Variants in NUDT5 observed in about 807,000 individuals in gnomAD.
NUDT5 encodes the protein ADP-sugar pyrophosphatase.
Under a neutral mutation model 34.1 loss-of-function variants are expected in NUDT5, and 21 were observed. The observed-to-expected ratio is 0.62, with a 90% CI of 0.44 to 0.89. The LOEUF (loss-of-function observed/expected upper bound fraction) is 0.89. NUDT5 is among the 40% of genes least tolerant of loss of function. NUDT5 has a pLI of 0.00. For synonymous variants in NUDT5, 85 were observed against 97.6 expected (o/e 0.87, Z 0.76); for missense variants, 249 against 274.8 (o/e 0.91, Z 0.66).
At position 12,166,923 on chromosome 10, in the gene NUDT5, C is replaced by G. The variant is rs1350228665; in HGVS notation, c.*779G>C. On this transcript the variant is annotated 3_prime_UTR_variant, in exon 10 of 10. Transcript: ENST00000491614. The stretch of plus-strand genomic sequence containing the variant: ...ACTGGCTGATCTTGCTGGTTCTGTT[C>G]ATGGTTTAACATCAAGATATTACTG... 2 of 290,388 alleles carry G rather than the reference C, an allele frequency of 6.9e-6. No individual in the cohort carries two copies. The highest frequency in any genetic ancestry group is 4.5e-5 in the African/African-American group (2 of 44,808). 18.0% of individuals were successfully genotyped at this position (290,388 alleles called of 1,614,324 possible).
chr10:12,177,070 C>T (rs1433005426), intron 5 of NUDT5, among the ~76,000 whole-genome samples: 2 of 148,884 alleles, frequency 1.3e-5, no homozygotes, highest in African/African-American at 2.5e-5. Flanking sequence ...TGCAGTGAGC[C>T]GAGATCACGC....
At chr10:12,190,076 G>A (rs1378407496) in intron 1 of NUDT5, among the ~76,000 whole-genome samples, 1 of 152,012 alleles carries the variant, frequency 6.6e-6, no homozygotes, top group Non-Finnish European at 1.5e-5. Flanking sequence ...TGTATTTTTA[G>A]GAGAGACGGG....
In NUDT5 at chr10:12,170,769, C is replaced by T. The variant is rs775317170; in HGVS notation, c.498G>A (p.Glu166=). 4 of 1,614,142 alleles carry T rather than the reference C, an allele frequency of 2.5e-6. No homozygotes were observed. The highest frequency in any genetic ancestry group is 3.4e-6 in the Non-Finnish European group (4 of 1,180,012). The stretch of plus-strand genomic sequence containing the variant: ...TGGGTAAAGAAATGACTTCCACAAA[C>T]TCTAAACAGACAAAGTGCAAGTGAA... The part of the protein sequence containing the change: ...ARPKPKPGDG[E]FVEVISLPKN... The change falls in exon 9 of 10, where the codon GAG becomes GAA. Residue 166 remains glutamate (E), a splice_region_variant and synonymous_variant. Transcript: ENST00000491614. This position sits in a 1 kb window ranked among gnomAD's most constrained non-coding sequence, Gnocchi z 4.9.
rs1834843274 is a variant in NUDT5 at position 12,171,095 on chromosome 10, GC to G, written c.488-188del. Reference sequence around the variant, plus strand: ...ATTGTTCTCCACATAATGTTAAGTAGCAAAATTTAAAGCATATTCGATAGTA... The same window carrying G: ...ATTGTTCTCCACATAATGTTAAGTAGAAAATTTAAAGCATATTCGATAGTA... On this transcript the variant is annotated intron_variant, in intron 7 of 9. Coordinates refer to ENST00000491614, the MANE Select transcript of NUDT5 (RefSeq NM_014142.4). The surrounding 1 kb of genome is among the most constrained non-coding windows in gnomAD (Gnocchi z 4.2). Among the ~76,000 whole-genome samples, 1 of 152,096 alleles carries G rather than the reference GC, an allele frequency of 6.6e-6. No individual in the cohort carries two copies. The highest frequency in any genetic ancestry group is 1.5e-5 in the Non-Finnish European group (1 of 68,044).
At chr10:12,172,921 A>G in intron 6 of NUDT5, 55 bp from the exon 7 acceptor site, 1 of 1,314,522 alleles carries the variant, frequency 7.6e-7, no homozygotes. Flanking sequence ...TTGTTTCACT[A>G]TGGTCTTAGG....
intron 3 of NUDT5, 81 bp downstream of exon 3, chr10:12,184,808 A>T (rs1375983750): frequency 1.2e-6 from 1 of 826,534 alleles, no homozygotes; most frequent in South Asian, 1.6e-5. Flanking sequence ...AAAAGAAAAC[A>T]TCAAAGTTTA....
chr10:12,177,121 CAA>C (rs1368788400), intron 5 of NUDT5, among the ~76,000 whole-genome samples: 7 of 115,978 alleles, frequency 6.0e-5, no homozygotes, highest in East Asian at 2.5e-4. Context: ...GACTCCATCT[CAA>C]AAAAAAAAAA....
chr10:12,175,448 C>T lies in NUDT5; in HGVS notation c.290-1635G>A, dbSNP rs1834931821. Among the ~76,000 whole-genome samples the T allele has an allele frequency of 2.6e-5, 4 of 151,690 alleles. No individual in the cohort carries two copies. Among genetic ancestry groups the T allele is most frequent in the Admixed American group, 2.0e-4 (3 of 15,220 alleles). On this transcript the variant is annotated intron_variant, in intron 5 of 9. Coordinates refer to ENST00000491614, the MANE Select transcript of NUDT5 (RefSeq NM_014142.4). The surrounding 1 kb of genome is among the most constrained non-coding windows in gnomAD (Gnocchi z 4.8). ...ATCACTTGAGGCCAGGAGTTTGGGG[C>T]CAGCCTGGGTGACAAAGCAAAACCC... is the stretch of plus-strand genomic sequence containing the variant.
In NUDT5 at chr10:12,177,889, T is replaced by A. The variant is rs758998870; in HGVS notation, c.193A>T (p.Ile65Phe). ...KEQTADGVAV[I>F]PVLQRTLHYE... Reference sequence around the variant, plus strand: ...TGAAGTGTTCTCTGCAGCACGGGGATGACCGCGACACCTGTCACCAGGAAA... The same window carrying A: ...TGAAGTGTTCTCTGCAGCACGGGGAAGACCGCGACACCTGTCACCAGGAAA... Residue 65 changes from isoleucine to phenylalanine, a missense_variant, in exon 5 of 10, where the codon ATC becomes TTC. Physicochemically the swap from Ile to Phe is conservative, Grantham distance 21. Coordinates refer to ENST00000491614, the MANE Select transcript of NUDT5 (RefSeq NM_014142.4). 9 of 1,613,836 alleles carry A rather than the reference T, an allele frequency of 5.6e-6. No individual in the cohort carries two copies. The highest frequency in any genetic ancestry group is 4.0e-5 in the African/African-American group (3 of 74,902).
At position 12,178,335 on chromosome 10, in the gene NUDT5, T is replaced by C. The variant is rs180769059; in HGVS notation, c.182-435A>G. On this transcript the variant is annotated intron_variant, in intron 4 of 9. Coordinates refer to ENST00000491614, the MANE Select transcript of NUDT5 (RefSeq NM_014142.4). ...TGTCTGCAATAAATGCTAGCAAGAC[T>C]GATTTTCCAGTTTTAGGGTAAAAGA... is the stretch of plus-strand genomic sequence containing the variant. 6.6e-5 allele frequency among the ~76,000 whole-genome samples: 10 copies of C among 152,312 alleles called. No homozygotes were observed. In the East Asian group the frequency reaches 9.7e-4, roughly 15 times the overall value.
chr10:12,184,896 T>C lies in NUDT5; in HGVS notation c.124A>G (p.Lys42Glu). Residue 42 changes from lysine (K) to glutamate (E), a missense_variant, in exon 3 of 10, where the codon AAA becomes GAA. Transcript: ENST00000491614. ...GAAAAAAAAAAAGTTTACCTAGTTT[T>C]ACCAGTAGGATCCATGTACGTTGTT... ...EKTTYMDPTG[K>E]TRTWESVKRT... The C allele has an allele frequency of 1.3e-6, 2 of 1,584,390 alleles. No homozygotes were observed. The highest frequency in any genetic ancestry group is 1.7e-6 in the Non-Finnish European group (2 of 1,160,802).
chr10:12,177,121 C>CA (rs1368788400), intron 5 of NUDT5, among the ~76,000 whole-genome samples: 117 of 115,942 alleles, frequency 1.0e-3, no homozygotes, highest in East Asian at 1.2e-3. Context: ...GACTCCATCT[C>CA]AAAAAAAAAA....
At chr10:12,189,956 C>G (rs184906920) in intron 1 of NUDT5, among the ~76,000 whole-genome samples, 4 of 149,872 alleles carry the variant, frequency 2.7e-5, no homozygotes, top group African/African-American at 4.9e-5. Flanking sequence ...TGCAGTGGCG[C>G]GATCTCCGCT....
intron 1 of NUDT5, 85 bp from the exon 2 acceptor site, chr10:12,186,417 A>C: frequency 1.3e-6 from 1 of 742,046 alleles, no homozygotes; most frequent in Non-Finnish European, 2.3e-6. Flanking sequence ...AAGTACTTAA[A>C]CGGCAAAAAA....
intron 5 of NUDT5, among the ~76,000 whole-genome samples, chr10:12,176,604 AAATAAT>A (rs1834953890): frequency 6.6e-6 from 1 of 152,086 alleles, no homozygotes; most frequent in Non-Finnish European, 1.5e-5. Context: ...ACTCCGTCTC[AAATAAT>A]AATAATAAAA....
Position 12,181,308 on chromosome 10 carries a change from A to G in NUDT5, c.132-2176T>C, listed in dbSNP as rs1354492643. On this transcript the variant is annotated intron_variant, in intron 3 of 9. Transcript: ENST00000491614. This position sits in a 1 kb window ranked among gnomAD's most constrained non-coding sequence, Gnocchi z 5.0. The stretch of plus-strand genomic sequence containing the variant: ...GAGTATCTGCATTTTCATATCAGGG[A>G]CTTCAGCATCTGTGGATTTTGGTAT... Among the ~76,000 whole-genome samples, 1 of 152,186 alleles carries G rather than the reference A, an allele frequency of 6.6e-6. No homozygotes were observed. The highest frequency in any genetic ancestry group is 1.9e-4 in the East Asian group (1 of 5,198).
Position 12,188,708 on chromosome 10 carries a change from C to T in NUDT5, c.-41-2376G>A, listed in dbSNP as rs182098941. On this transcript the variant is annotated intron_variant, in intron 1 of 9. Coordinates refer to ENST00000491614, the MANE Select transcript of NUDT5 (RefSeq NM_014142.4). ...ATCGTGCCACTGCACTGCAGCCTGG[C>T]GACAGAGCAAGACTCCATCTAAAAA... Among the ~76,000 whole-genome samples the T allele has an allele frequency of 2.8e-3, 336 of 120,100 alleles. 1 individual carries two copies. Among genetic ancestry groups the T allele is most frequent in the African/African-American group, 0.01 (318 of 30,524 alleles). 78.8% of individuals were successfully genotyped at this position (120,100 alleles called of 152,430 possible).
intron 4 of NUDT5, among the ~76,000 whole-genome samples, chr10:12,178,322 A>G (rs1027434162): frequency 6.7e-6 from 1 of 150,244 alleles, no homozygotes. Context: ...TCTGCAATAA[A>G]TGCTAGCAAG....
rs1014006946 is a variant in NUDT5, at chr10:12,169,369, C to A, written c.550+1348G>T. On this transcript the variant is annotated intron_variant, in intron 9 of 9. Transcript: ENST00000491614. The surrounding 1 kb of genome is among the most constrained non-coding windows in gnomAD (Gnocchi z 4.8). ...GCATTTCACACTTGCCTACGTCACC[C>A]TGCTTTCCACGCACCTCCTCAGAGG... 6 of 1,338,262 alleles carry A rather than the reference C, an allele frequency of 4.5e-6. No homozygotes were observed. The highest frequency in any genetic ancestry group is 6.2e-6 in the Non-Finnish European group (6 of 964,082). 82.9% of individuals were successfully genotyped at this position (1,338,262 alleles called of 1,614,324 possible).
Sources: gnomAD v4.1 joint callset for allele counts (sites outside exome capture counted in the v4.1 genomes callset) on GRCh38, gnomAD v4.1.1 for gene constraint, Gnocchi (gnomAD v3.1) non-coding constraint, MANE v1.5 for transcripts, NCBI Gene and HGNC (gene_info 2026-07-23, HGNC 2026-07-21) for gene names.